Variants in CCDC141 observed in about 807,000 individuals in gnomAD.
The protein encoded by CCDC141 is coiled-coil domain containing 141.
A neutral mutation model predicts 181.0 loss-of-function variants in CCDC141; 168 were observed. That is an observed-to-expected ratio of 0.93 (90% CI 0.82 to 1.05). The LOEUF (loss-of-function observed/expected upper bound fraction) is 1.05. CCDC141 is among the 50% of genes least tolerant of loss of function. The pLI, the probability that CCDC141 is intolerant of heterozygous loss-of-function variation, is 0.00. For missense variants in CCDC141, 1,902 were observed against 1,788.5 expected (o/e 1.06, Z -1.14); for synonymous variants, 666 against 642.3 (o/e 1.04, Z -0.56).
intron 8 of CCDC141, among the ~76,000 whole-genome samples, chr2:178,903,968 T>C (rs1028861045): frequency 1.3e-5 from 2 of 152,132 alleles, no homozygotes; most frequent in African/African-American, 4.8e-5. Context: ...ATGTCCGACA[T>C]GTACCCCGAG....
At chr2:178,989,602 A>AT (rs1285646796) in intron 2 of CCDC141, among the ~76,000 whole-genome samples, 31 of 103,358 alleles carry the variant, frequency 3.0e-4, no homozygotes, top group Non-Finnish European at 4.0e-4. Context: ...TCAAAAAAAA[A>AT]AAAAAATAAA....
the CCDC141 span, chr2:178,817,741 T>TTTTC: frequency 0.044 from 13,225 of 302,976 alleles, 770 homozygotes; most frequent in Admixed American, 0.12. Context: ...TTCGTTCTCT[T>TTTTC]TTTCTTTATC....
intron 2 of CCDC141, among the ~76,000 whole-genome samples, chr2:179,016,070 T>C (rs576005866): frequency 1.3e-5 from 2 of 151,740 alleles, no homozygotes; most frequent in Admixed American, 1.3e-4. Context: ...TTGGAGACTA[T>C]TATTCTAAGT....
At chr2:178,834,725 C>T (rs1205323349) in intron 23 of CCDC141, among the ~76,000 whole-genome samples, 1 of 151,744 alleles carries the variant, frequency 6.6e-6, no homozygotes, top group East Asian at 2.0e-4. Context: ...CGCTTACCAC[C>T]ATGTGCAGGC....
At chr2:178,967,045 A>C (rs1216782933) in intron 4 of CCDC141, among the ~76,000 whole-genome samples, 1 of 152,016 alleles carries the variant, frequency 6.6e-6, no homozygotes, top group African/African-American at 2.4e-5. Context: ...AGAAGACAAG[A>C]TTAGAGATAA....
At chr2:178,890,024 A>G (rs1687072561) in intron 8 of CCDC141, among the ~76,000 whole-genome samples, 1 of 152,212 alleles carries the variant, frequency 6.6e-6, no homozygotes, top group Non-Finnish European at 1.5e-5. Context: ...AAAGGCATTT[A>G]AAAGCCCAGC....
At chr2:178,860,046 T>A (rs537781914) in intron 17 of CCDC141, among the ~76,000 whole-genome samples, 2 of 152,350 alleles carry the variant, frequency 1.3e-5, no homozygotes, top group Admixed American at 1.3e-4. Flanking sequence ...CTTAGAACTA[T>A]GGCACATGTT....
intron 6 of CCDC141, among the ~76,000 whole-genome samples, chr2:178,930,162 T>A (rs1444835266): frequency 2.6e-5 from 4 of 151,966 alleles, no homozygotes; most frequent in African/African-American, 7.2e-5. Flanking sequence ...TTCTATAGAA[T>A]AGCATTGAAC....
chr2:178,862,238 A>G (rs1340575410), intron 17 of CCDC141, among the ~76,000 whole-genome samples: 3 of 152,234 alleles, frequency 2.0e-5, no homozygotes, highest in African/African-American at 4.8e-5. Flanking sequence ...AGATGTTGCT[A>G]CAGTGGAAAA....
intron 2 of CCDC141, among the ~76,000 whole-genome samples, chr2:179,030,037 C>T (rs2042960128): frequency 6.6e-6 from 1 of 152,054 alleles, no homozygotes; most frequent in South Asian, 2.1e-4. Context: ...CTTCTCTAAG[C>T]ACAATACATT....
Position 178,961,348 on chromosome 2 carries a change from T to G in CCDC141, c.662A>C (p.Asp221Ala). Residue 221 changes from aspartate (D) to alanine (A), a missense_variant, in exon 5 of 24, where the codon GAC becomes GCC. Physicochemically the swap from Asp to Ala is moderately radical, Grantham distance 126. Transcript: ENST00000443758. Reference sequence around the variant, plus strand: ...GTCTTGTAGAAGTTCAAGAAGGCGGTCAACCTTCAGACAGCTGCTATGAGC... The same window carrying G: ...GTCTTGTAGAAGTTCAAGAAGGCGGGCAACCTTCAGACAGCTGCTATGAGC... Reference protein sequence around the residue: ...QGAHSSCLKVDRLLELLQDRR... With the variant: ...QGAHSSCLKVARLLELLQDRR... 1 of 1,550,616 alleles carries G rather than the reference T, an allele frequency of 6.4e-7. No homozygotes were observed. Among genetic ancestry groups the G allele is most frequent in the Non-Finnish European group, 8.7e-7 (1 of 1,146,970 alleles).
chr2:178,890,959 T>C (rs545298768), intron 8 of CCDC141, among the ~76,000 whole-genome samples: 2 of 152,238 alleles, frequency 1.3e-5, no homozygotes, highest in African/African-American at 2.4e-5. Flanking sequence ...GTCAGAAAAG[T>C]AGCAATAACT....
chr2:178,978,514 C>G lies in CCDC141; in HGVS notation c.387G>C (p.Leu129Phe). The G allele has an allele frequency of 6.6e-7, 1 of 1,508,530 alleles. No homozygotes were observed. The highest frequency in any genetic ancestry group is 8.9e-7 in the Non-Finnish European group (1 of 1,129,924). 93.4% of individuals were successfully genotyped at this position (1,508,530 alleles called of 1,614,324 possible). The change falls in exon 3 of 24, where the codon TTG (leucine) becomes TTC (phenylalanine). Residue 129 changes from leucine (L) to phenylalanine (F), a missense_variant. Leu to Phe is a conservative substitution (Grantham distance 22). Coordinates refer to ENST00000443758, the MANE Select transcript of CCDC141 (RefSeq NM_173648.4). The stretch of plus-strand genomic sequence containing the variant: ...AGGCATTTTCAAAAAATTCAGAAGT[C>G]AACCTAAGGAGCTCTGTTCTTCTTT... ...MLERRTELLR[L>F]TSEFFENALE... is the part of the protein sequence containing the mutation.
At chr2:178,907,774 A>G (rs527513936) in intron 7 of CCDC141, among the ~76,000 whole-genome samples, 1 of 152,272 alleles carries the variant, frequency 6.6e-6, no homozygotes, top group East Asian at 1.9e-4. Flanking sequence ...TGGGTGGATC[A>G]CTTGAGGTCA....
At chr2:178,822,086 G>T in the CCDC141 span, among the ~76,000 whole-genome samples, 1 of 152,036 alleles carries the variant, frequency 6.6e-6, no homozygotes, top group Admixed American at 6.5e-5. Context: ...CATAAAAAAT[G>T]ATGAGTTCAT....
In CCDC141 at chr2:179,047,317, A is replaced by C; in HGVS notation, c.192T>G (p.Leu64=). The C allele has an allele frequency of 6.5e-7, 1 of 1,543,834 alleles. No homozygotes were observed. Among genetic ancestry groups the C allele is most frequent in the Non-Finnish European group, 8.7e-7 (1 of 1,145,316 alleles). ...GSSQDETKKL[L]HDHELLLAKL... ...TGGCCAAAAGAAGTTCATGATCATG[A>C]AGAAGTTTTTTGGTTTCATCTTGAC... The change falls in exon 2 of 24, where the codon CTT becomes CTG. Residue 64 remains leucine (L), a synonymous_variant. Coordinates refer to ENST00000443758, the MANE Select transcript of CCDC141 (RefSeq NM_173648.4).
chr2:178,876,374 C>CA (rs1461708516), intron 12 of CCDC141: 1 of 152,154 alleles, frequency 6.6e-6, no homozygotes, highest in African/African-American at 2.4e-5. Context: ...TGGTAAGCTT[C>CA]ACACTGAAAA....
intron 2 of CCDC141, among the ~76,000 whole-genome samples, chr2:178,994,525 C>A (rs183776607): frequency 3.3e-4 from 51 of 152,322 alleles, no homozygotes; most frequent in African/African-American, 1.1e-3. Context: ...CCTAGGCCTC[C>A]AGGCCTGTGA....
chr2:178,872,220 G>A lies in CCDC141; in HGVS notation c.1992C>T (p.Ser664=), dbSNP rs755440131. ...TAAGCTGCCATGCCAGCCGAAGGAGGCTAAGTTCTTCCCGTTCTGCTTTCT... is the reference window on the plus strand; with the variant it reads ...TAAGCTGCCATGCCAGCCGAAGGAGACTAAGTTCTTCCCGTTCTGCTTTCT... ...ENQKAEREEL[S]LLRLAWQLKA... Residue 664 remains serine (S), a synonymous_variant, in exon 13 of 24, where the codon AGC becomes AGT. Transcript: ENST00000443758. 2 of 1,614,048 alleles carry A rather than the reference G, an allele frequency of 1.2e-6. No individual in the cohort carries two copies. Among genetic ancestry groups the A allele is most frequent in the South Asian group, 1.1e-5 (1 of 91,076 alleles).
Sources: gnomAD v4.1 joint callset for allele counts (sites outside exome capture counted in the v4.1 genomes callset) on GRCh38, gnomAD v4.1.1 for gene constraint, MANE v1.5 for transcripts, NCBI Gene and HGNC (gene_info 2026-07-23, HGNC 2026-07-21) for gene names.